ST6GALNAC3: variants seen among roughly 807,000 people sequenced by gnomAD.
ST6GALNAC3 encodes alpha-N-acetylgalactosaminide alpha-2,6-sialyltransferase 3.
A neutral mutation model predicts 32.7 loss-of-function variants in ST6GALNAC3; 25 were observed. The ratio of observed to expected loss-of-function variants is 0.76; its 90% CI spans 0.56 to 1.07. The LOEUF is 1.07. ST6GALNAC3 is among the 50% of genes least tolerant of loss of function. ST6GALNAC3 has a pLI of 0.00. For synonymous variants in ST6GALNAC3, 129 were observed against 133.1 expected (o/e 0.97, Z 0.21); for missense variants, 355 against 382.4 (o/e 0.93, Z 0.60).
chr1:76,352,318 C>T (rs185825610), intron 2 of ST6GALNAC3, among the ~76,000 whole-genome samples: 1 of 151,574 alleles, frequency 6.6e-6, no homozygotes, highest in Non-Finnish European at 1.5e-5. Flanking sequence ...GTGTTTTTGG[C>T]TGACTCTGCT....
intron 1 of ST6GALNAC3, among the ~76,000 whole-genome samples, chr1:76,275,909 G>A (rs1038157123): frequency 3.9e-5 from 6 of 152,156 alleles, no homozygotes; most frequent in African/African-American, 1.4e-4. Context: ...GTTCAACAGT[G>A]TCATCAAAGT....
At position 76,283,993 on chromosome 1, in the gene ST6GALNAC3, T is replaced by C. The variant is rs17098550; in HGVS notation, c.19-29812T>C. ...ATTAGGAACCTGATCTCTTTGTCAT[T>C]CATCTATTTTTTGCCCTGGCTTGTT... On this transcript the variant is annotated intron_variant, in intron 1 of 4. Coordinates refer to ENST00000328299, the MANE Select transcript of ST6GALNAC3 (RefSeq NM_152996.4). Among the ~76,000 whole-genome samples, 86 of 132,748 alleles carry C rather than the reference T, an allele frequency of 6.5e-4. 1 individual carries two copies. In the East Asian group the frequency reaches 0.018, roughly 27 times the overall value. 87.1% of individuals were successfully genotyped at this position (132,748 alleles called of 152,430 possible). A position where few individuals can be genotyped will look rare whatever the true frequency, so the allele number is the denominator to read the frequency against.
intron 3 of ST6GALNAC3, among the ~76,000 whole-genome samples, chr1:76,559,782 T>C (rs964609578): frequency 3.3e-5 from 5 of 152,128 alleles, no homozygotes; most frequent in African/African-American, 1.2e-4. Context: ...AAAACAGCCT[T>C]GAATTGCTGA....
chr1:76,206,149 G>A (rs755535150), intron 1 of ST6GALNAC3, among the ~76,000 whole-genome samples: 8 of 152,128 alleles, frequency 5.3e-5, no homozygotes, highest in Non-Finnish European at 8.8e-5. Context: ...TCATGATTAC[G>A]TGCTTAAGTT....
intron 2 of ST6GALNAC3, among the ~76,000 whole-genome samples, chr1:76,381,880 A>G (rs1385694809): frequency 1.3e-5 from 2 of 152,190 alleles, no homozygotes; most frequent in African/African-American, 4.8e-5. Context: ...GAATTTGCAG[A>G]TTTCTACACC....
chr1:76,527,216 C>T (rs1357629417), intron 3 of ST6GALNAC3, among the ~76,000 whole-genome samples: 2 of 152,058 alleles, frequency 1.3e-5, no homozygotes, highest in African/African-American at 4.8e-5. Flanking sequence ...ATATTGCACA[C>T]AGAAAGCTTG....
intron 3 of ST6GALNAC3, among the ~76,000 whole-genome samples, chr1:76,501,395 C>T (rs1661168432): frequency 6.6e-6 from 1 of 152,176 alleles, no homozygotes; most frequent in South Asian, 2.1e-4. Flanking sequence ...GGATCTTATC[C>T]TCCTAGTTGC....
At chr1:76,492,085 A>G (rs976352960) in intron 3 of ST6GALNAC3, among the ~76,000 whole-genome samples, 1 of 152,188 alleles carries the variant, frequency 6.6e-6, no homozygotes, top group African/African-American at 2.4e-5. Flanking sequence ...TGAGTAACCT[A>G]AAGTACAGAC....
intron 3 of ST6GALNAC3, among the ~76,000 whole-genome samples, chr1:76,456,458 C>A (rs1208506643): frequency 6.6e-6 from 1 of 151,982 alleles, no homozygotes; most frequent in African/African-American, 2.4e-5. Context: ...GCAATTCTGC[C>A]TCAGTGTCCT....
At chr1:76,346,549 A>G (rs1648532359) in intron 2 of ST6GALNAC3, among the ~76,000 whole-genome samples, 1 of 152,238 alleles carries the variant, frequency 6.6e-6, no homozygotes, top group Non-Finnish European at 1.5e-5. Context: ...CAAGGTTGGT[A>G]CAAATGCACA....
chr1:76,178,710 C>T (rs1287066579), intron 1 of ST6GALNAC3, among the ~76,000 whole-genome samples: 1 of 152,030 alleles, frequency 6.6e-6, no homozygotes, highest in African/African-American at 2.4e-5. Context: ...GCTTTGGATT[C>T]CTTTGTTCAA....
chr1:76,479,036 T>A (rs1271037739), intron 3 of ST6GALNAC3, among the ~76,000 whole-genome samples: 2 of 152,132 alleles, frequency 1.3e-5, no homozygotes, highest in Admixed American at 6.5e-5. Context: ...GTGCTGGGAT[T>A]ACAGGCGTAA....
chr1:76,171,980 T>A (rs959401440), intron 1 of ST6GALNAC3, among the ~76,000 whole-genome samples: 1 of 152,142 alleles, frequency 6.6e-6, no homozygotes, highest in South Asian at 2.1e-4. Context: ...CCCTAACTCA[T>A]TTTATGAAGC....
intron 2 of ST6GALNAC3, among the ~76,000 whole-genome samples, chr1:76,391,522 ACCTTCCTTCCTTCCTT>A (rs71071997): frequency 0.046 from 6,389 of 137,690 alleles, 290 homozygotes; most frequent in African/African-American, 0.11. Flanking sequence ...ATTAGGAAAG[ACCTTCCTTCCTTCCTT>A]CCTTCCTTCC....
chr1:76,529,111 A>G (rs781432030), intron 3 of ST6GALNAC3, among the ~76,000 whole-genome samples: 6 of 151,982 alleles, frequency 3.9e-5, no homozygotes, highest in Non-Finnish European at 8.8e-5. Context: ...TTACATTTCC[A>G]CCAGTCAGAA....
rs377027859 is a variant in ST6GALNAC3, at chr1:76,234,527, T to C, written c.19-79278T>C. Among the ~76,000 whole-genome samples, 18 of 152,332 alleles carry C rather than the reference T, an allele frequency of 1.2e-4. No homozygotes were observed. In the South Asian group the frequency reaches 3.7e-3, roughly 32 times the overall value. ...ATCATAGCAGGAAGGCCGATGCCTA[T>C]CTCTAGCTAAAGCCTTATGTGCTAT... On this transcript the variant is annotated intron_variant, in intron 1 of 4. Coordinates refer to ENST00000328299, the MANE Select transcript of ST6GALNAC3 (RefSeq NM_152996.4).
chr1:76,388,844 G>A (rs989856272), intron 2 of ST6GALNAC3, among the ~76,000 whole-genome samples: 1 of 152,074 alleles, frequency 6.6e-6, no homozygotes, highest in African/African-American at 2.4e-5. Context: ...TAAGACAACA[G>A]GCTCTGTAGT....
intron 2 of ST6GALNAC3, among the ~76,000 whole-genome samples, chr1:76,390,440 C>T (rs1011219979): frequency 6.6e-6 from 1 of 152,252 alleles, no homozygotes; most frequent in Non-Finnish European, 1.5e-5. Context: ...TACCAAACTC[C>T]TGTGACACAG....
At chr1:76,577,298 G>C (rs547891785) in intron 3 of ST6GALNAC3, 1,745 of 987,884 alleles carry the variant, frequency 1.8e-3, no homozygotes, top group Non-Finnish European at 2.0e-3. Context: ...TGTAGAAAAG[G>C]CCATGCTAGA....
Sources: allele counts gnomAD v4.1 joint callset (sites outside exome capture counted in the v4.1 genomes callset), GRCh38; gene constraint gnomAD v4.1.1; transcripts MANE v1.5; gene names NCBI Gene and HGNC (gene_info 2026-07-23, HGNC 2026-07-21).